The following GALNTL6 variants were observed in gnomAD, a reference collection of about 807,000 sequenced individuals.
The protein encoded by GALNTL6 is polypeptide N-acetylgalactosaminyltransferase-like 6.
A neutral mutation model predicts 73.7 loss-of-function variants in GALNTL6; 46 were observed. That is an observed-to-expected ratio of 0.62 (90% CI 0.49 to 0.80). GALNTL6 has a LOEUF of 0.80. Among genes scored for constraint, GALNTL6 ranks in the 30% least tolerant of loss-of-function variants. The probability of loss-of-function intolerance (pLI) is 0.00; values close to 1 mark genes in which losing one functional copy is unlikely to be tolerated. For synonymous variants in GALNTL6, 259 were observed against 263.7 expected, an observed-to-expected ratio of 0.98 and a Z score of 0.17; for missense variants, 604 against 755.0, an observed-to-expected ratio of 0.80 and a Z score of 2.34.
chr4:172,125,967 T>C (rs1279428310), intron 2 of GALNTL6, among the ~76,000 whole-genome samples: 2 of 152,130 alleles, frequency 1.3e-5, no homozygotes, highest in East Asian at 3.9e-4. Context: ...CTTTCTCTTA[T>C]CAAAAACATC....
chr4:172,640,549 T>C (rs1199416555), intron 5 of GALNTL6, among the ~76,000 whole-genome samples: 5 of 152,118 alleles, frequency 3.3e-5, no homozygotes, highest in Non-Finnish European at 7.4e-5. Flanking sequence ...TCACCAGAGC[T>C]GGTTTCTCCT....
intron 2 of GALNTL6, among the ~76,000 whole-genome samples, chr4:171,904,360 G>A (rs1276335994): frequency 6.6e-6 from 1 of 152,140 alleles, no homozygotes; most frequent in Non-Finnish European, 1.5e-5. Context: ...GAAGCCTCAG[G>A]AGCCGATGCG....
intron 2 of GALNTL6, among the ~76,000 whole-genome samples, chr4:171,819,445 G>A (rs750840090): frequency 2.5e-4 from 38 of 152,146 alleles, no homozygotes; most frequent in Non-Finnish European, 4.7e-4. Flanking sequence ...TCATTTCTGA[G>A]TTGGACAAGC....
chr4:172,277,147 G>A (rs1369463397), intron 3 of GALNTL6, among the ~76,000 whole-genome samples: 1 of 151,826 alleles, frequency 6.6e-6, no homozygotes, highest in Non-Finnish European at 1.5e-5. Flanking sequence ...GATGGCTGTT[G>A]CTCACCATTC....
intron 5 of GALNTL6, among the ~76,000 whole-genome samples, chr4:172,752,869 A>G (rs1737508796): frequency 6.6e-6 from 1 of 152,196 alleles, no homozygotes; most frequent in African/African-American, 2.4e-5. Context: ...TTTGATAGAT[A>G]TAATTTTATT....
intron 2 of GALNTL6, among the ~76,000 whole-genome samples, chr4:171,914,781 A>T (rs1578967625): frequency 3.3e-5 from 1 of 30,678 alleles, no homozygotes; most frequent in East Asian, 1.6e-3. Context: ...TAAAAATGAT[A>T]AAAAAAAAAA....
chr4:172,045,850 C>T (rs909926785), intron 2 of GALNTL6, among the ~76,000 whole-genome samples: 3 of 151,696 alleles, frequency 2.0e-5, no homozygotes, highest in African/African-American at 7.3e-5. Context: ...GTCCTCATTC[C>T]CCTGGTCACG....
chr4:172,689,804 CTTCAAG>C (rs546729986), intron 5 of GALNTL6, among the ~76,000 whole-genome samples: 169 of 152,204 alleles, frequency 1.1e-3, no homozygotes, highest in African/African-American at 3.4e-3. Flanking sequence ...GCATATGTAC[CTTCAAG>C]TTCATAACAT....
intron 5 of GALNTL6, among the ~76,000 whole-genome samples, chr4:172,658,054 G>A (rs1452704163): frequency 4.5e-5 from 6 of 134,236 alleles, no homozygotes; most frequent in South Asian, 2.5e-4. Context: ...GGAGGCTGAG[G>A]CAGGAGAATG....
rs185093869 is a variant in GALNTL6, at chr4:172,637,180, C to A, written c.554-172181C>A. On this transcript the variant is annotated intron_variant, in intron 5 of 12. Coordinates refer to ENST00000506823, the MANE Select transcript of GALNTL6 (RefSeq NM_001034845.3). ...GTATTGCTAAGTGATAACTTGTGGA[C>A]TTAAAGGTAAATTTGGGTAAGGATA... Among the ~76,000 whole-genome samples, 26 of 152,076 alleles carry A rather than the reference C, an allele frequency of 1.7e-4. 1 individual carries two copies. In the East Asian group the frequency reaches 4.8e-3, roughly 28 times the overall value.
chr4:172,136,484 C>A (rs1579173203), intron 2 of GALNTL6, among the ~76,000 whole-genome samples: 1 of 152,098 alleles, frequency 6.6e-6, no homozygotes, highest in Middle Eastern at 3.4e-3. Flanking sequence ...CAATGATCCC[C>A]TTTAATCCCA....
chr4:172,549,471 T>C (rs542535222), intron 5 of GALNTL6, among the ~76,000 whole-genome samples: 4 of 152,206 alleles, frequency 2.6e-5, no homozygotes, highest in Admixed American at 1.3e-4. Context: ...CATTATCTTA[T>C]ATGAGATCAA....
intron 5 of GALNTL6, among the ~76,000 whole-genome samples, chr4:172,628,567 A>G (rs1244736954): frequency 1.3e-5 from 2 of 151,936 alleles, no homozygotes; most frequent in Non-Finnish European, 2.9e-5. Context: ...AATTACAAAA[A>G]CTTCATTCCT....
At chr4:172,258,331 G>T (rs1018578824) in intron 3 of GALNTL6, among the ~76,000 whole-genome samples, 1 of 151,144 alleles carries the variant, frequency 6.6e-6, no homozygotes, top group Non-Finnish European at 1.5e-5. Context: ...GTTATTTGTT[G>T]TCTTTGCATT....
chr4:172,355,442 G>A (rs955031794), intron 5 of GALNTL6, among the ~76,000 whole-genome samples: 5 of 152,054 alleles, frequency 3.3e-5, no homozygotes, highest in African/African-American at 7.2e-5. Flanking sequence ...ATAAAATGAA[G>A]TGATGGAATG....
intron 8 of GALNTL6, among the ~76,000 whole-genome samples, chr4:172,914,754 C>A (rs977829206): frequency 3.9e-5 from 6 of 152,100 alleles, no homozygotes; most frequent in Non-Finnish European, 5.9e-5. Context: ...TAAAGCAAGT[C>A]CTTAGAGACC....
chr4:171,838,571 G>A (rs1330945421), intron 2 of GALNTL6, among the ~76,000 whole-genome samples: 2 of 152,068 alleles, frequency 1.3e-5, no homozygotes, highest in Admixed American at 1.3e-4. Flanking sequence ...TATATTCACT[G>A]TACTTCTTTG....
chr4:172,323,847 G>A (rs1740842718), intron 4 of GALNTL6, among the ~76,000 whole-genome samples: 1 of 151,986 alleles, frequency 6.6e-6, no homozygotes, highest in Non-Finnish European at 1.5e-5. Context: ...TTATAAAGGT[G>A]TCTAAAACAC....
intron 2 of GALNTL6, among the ~76,000 whole-genome samples, chr4:172,204,173 T>C (rs1160720016): frequency 6.6e-6 from 1 of 152,304 alleles, no homozygotes; most frequent in Non-Finnish European, 1.5e-5. Flanking sequence ...GTTTGCTATA[T>C]ATAATGAAAG....
Sources: allele counts gnomAD v4.1 joint callset (sites outside exome capture counted in the v4.1 genomes callset), GRCh38; gene constraint gnomAD v4.1.1; transcripts MANE v1.5; gene names NCBI Gene and HGNC (gene_info 2026-07-23, HGNC 2026-07-21).